PRR16: variants seen among roughly 807,000 people sequenced by gnomAD.
PRR16 encodes protein Largen.
Under a neutral mutation model 18.2 loss-of-function variants are expected in PRR16, and 6 were observed. That is an observed-to-expected ratio of 0.33 (90% CI 0.18 to 0.65). The LOEUF is 0.65. PRR16 is among the 30% of genes least tolerant of loss of function. The pLI is 0.74. For synonymous variants in PRR16, 151 were observed against 147.8 expected (o/e 1.02, Z -0.16); for missense variants, 412 against 376.6 (o/e 1.09, Z -0.78).
the PRR16 span, among the ~76,000 whole-genome samples, chr5:120,760,610 G>A: frequency 3.3e-5 from 5 of 152,086 alleles, no homozygotes; most frequent in African/African-American, 1.2e-4. Flanking sequence ...GCCAAAGCAT[G>A]TTGCTTAATT....
chr5:120,539,390 A>G (rs1046808317), intron 1 of PRR16, among the ~76,000 whole-genome samples: 4 of 151,918 alleles, frequency 2.6e-5, no homozygotes, highest in African/African-American at 7.2e-5. Context: ...AGTAATGCCC[A>G]TAGATATTCC....
the PRR16 span, among the ~76,000 whole-genome samples, chr5:120,712,338 T>C: frequency 2.0e-5 from 3 of 152,156 alleles, no homozygotes; most frequent in Admixed American, 6.6e-5. Context: ...TCTAGACTTA[T>C]TTATTCTACA....
intron 1 of PRR16, among the ~76,000 whole-genome samples, chr5:120,544,982 T>C (rs1752031305): frequency 6.6e-6 from 1 of 152,168 alleles, no homozygotes; most frequent in South Asian, 2.1e-4. Flanking sequence ...CCAAAACCAC[T>C]GTATATTTAT....
chr5:120,782,492 T>A, the PRR16 span, among the ~76,000 whole-genome samples: 1 of 152,044 alleles, frequency 6.6e-6, no homozygotes, highest in Admixed American at 6.6e-5. Context: ...CCCCTCGGGG[T>A]TGGTTCCACA....
chr5:120,737,486 T>G, the PRR16 span, among the ~76,000 whole-genome samples: 1 of 151,976 alleles, frequency 6.6e-6, no homozygotes, highest in Non-Finnish European at 1.5e-5. Flanking sequence ...TAAATACTAT[T>G]TGATCATAGT....
chr5:120,593,068 A>G (rs888700542), intron 1 of PRR16, among the ~76,000 whole-genome samples: 1 of 152,100 alleles, frequency 6.6e-6, no homozygotes, highest in Admixed American at 6.6e-5. Context: ...AGTTAGAAAG[A>G]TCTCAAGGTA....
chr5:120,694,682 CAA>C, the PRR16 span, among the ~76,000 whole-genome samples: 798 of 116,124 alleles, frequency 6.9e-3, 3 homozygotes, highest in Non-Finnish European at 0.011. Flanking sequence ...GACTCCGTCT[CAA>C]AAAAAAAAAA....
chr5:120,716,673 G>A, the PRR16 span, among the ~76,000 whole-genome samples: 8 of 152,150 alleles, frequency 5.3e-5, no homozygotes, highest in South Asian at 8.3e-4. Context: ...TCAGGAGTTC[G>A]AGACCAGCCT....
At chr5:120,567,837 A>T (rs557183613) in intron 1 of PRR16, among the ~76,000 whole-genome samples, 3 of 152,266 alleles carry the variant, frequency 2.0e-5, no homozygotes, top group African/African-American at 7.2e-5. Flanking sequence ...TCTTTTATTT[A>T]TAAATTACCC....
intron 1 of PRR16, among the ~76,000 whole-genome samples, chr5:120,523,317 TTG>T (rs575147601): frequency 4.9e-4 from 74 of 152,308 alleles, no homozygotes; most frequent in African/African-American, 1.6e-3. Flanking sequence ...TAGATATATT[TTG>T]TTAGAGTAAT....
intron 1 of PRR16, among the ~76,000 whole-genome samples, chr5:120,612,732 A>G (rs1754375997): frequency 6.6e-6 from 1 of 152,140 alleles, no homozygotes; most frequent in Non-Finnish European, 1.5e-5. Flanking sequence ...TAATACACAT[A>G]CATATTATTT....
chr5:120,751,345 T>G, the PRR16 span, among the ~76,000 whole-genome samples: 1 of 152,160 alleles, frequency 6.6e-6, no homozygotes, highest in Non-Finnish European at 1.5e-5. Context: ...TTGAGACAGC[T>G]CCATACTGTT....
intron 1 of PRR16, among the ~76,000 whole-genome samples, chr5:120,684,588 A>G (rs1024925049): frequency 6.6e-6 from 1 of 152,206 alleles, no homozygotes; most frequent in African/African-American, 2.4e-5. Context: ...TCATATGTGT[A>G]TAACAGTGCA....
intron 1 of PRR16, among the ~76,000 whole-genome samples, chr5:120,635,296 A>T (rs1368119446): frequency 6.6e-6 from 1 of 152,094 alleles, no homozygotes; most frequent in East Asian, 1.9e-4. Context: ...TACCAAAACC[A>T]GGAAAGAACA....
the PRR16 span, among the ~76,000 whole-genome samples, chr5:120,726,493 TTC>T: frequency 6.6e-6 from 1 of 152,110 alleles, no homozygotes; most frequent in East Asian, 1.9e-4. Context: ...TTTCAAACTG[TTC>T]TCTTCTGGCT....
chr5:120,570,131 A>T (rs1752859958), intron 1 of PRR16, among the ~76,000 whole-genome samples: 1 of 152,116 alleles, frequency 6.6e-6, no homozygotes, highest in South Asian at 2.1e-4. Context: ...AGATGAGAGC[A>T]TGTGGTTGAT....
At chr5:120,590,118 A>G (rs976827663) in intron 1 of PRR16, among the ~76,000 whole-genome samples, 1 of 152,108 alleles carries the variant, frequency 6.6e-6, no homozygotes, top group African/African-American at 2.4e-5. Context: ...GAGTAGTTTT[A>G]CTCTCAACAG....
intron 1 of PRR16, among the ~76,000 whole-genome samples, chr5:120,595,812 G>A (rs542726468): frequency 3.8e-4 from 57 of 151,778 alleles, no homozygotes; most frequent in Non-Finnish European, 7.2e-4. Flanking sequence ...GAAGAGTTTT[G>A]GATCTCTAAT....
chr5:120,537,505 A>C (rs895748293), intron 1 of PRR16, among the ~76,000 whole-genome samples: 2 of 152,130 alleles, frequency 1.3e-5, no homozygotes, highest in Non-Finnish European at 2.9e-5. Context: ...CCATACCAAT[A>C]TAAAAATATT....
Sources: allele counts gnomAD v4.1 joint callset (sites outside exome capture counted in the v4.1 genomes callset), GRCh38; gene constraint gnomAD v4.1.1; transcripts MANE v1.5; gene names NCBI Gene and HGNC (gene_info 2026-07-23, HGNC 2026-07-21).